The following CRACD variants were observed in gnomAD, a reference collection of about 807,000 sequenced individuals.
CRACD encodes the protein capping protein-inhibiting regulator of actin dynamics.
In CRACD, 56 loss-of-function variants were observed where a neutral mutation model predicts 106.8. That is an observed-to-expected ratio of 0.52 (90% CI 0.42 to 0.66). CRACD has a LOEUF of 0.66. CRACD is among the 30% of genes least tolerant of loss of function. The pLI is 0.00. For synonymous variants in CRACD, 754 were observed against 670.8 expected, an observed-to-expected ratio of 1.12 and a Z score of -1.92; for missense variants, 1,730 against 1,623.2, an observed-to-expected ratio of 1.07 and a Z score of -1.13.
At chr4:56,196,298 A>G (rs1737607437) in intron 2 of CRACD, 1 of 152,834 alleles carries the variant, frequency 6.5e-6, no homozygotes, top group Non-Finnish European at 1.5e-5. Context: ...TGCCAATTTC[A>G]TAAGCTTTGT....
chr4:56,181,387 T>C lies in CRACD; in HGVS notation c.-189+1957T>C, dbSNP rs112746336. Reference sequence around the variant, plus strand: ...GCTGGAGCAGAGTGAGTGGGAGGGTTGATCCACAGGAAATGATGACACTTC... The same window carrying C: ...GCTGGAGCAGAGTGAGTGGGAGGGTCGATCCACAGGAAATGATGACACTTC... On this transcript the variant is annotated intron_variant, in intron 2 of 10. Transcript: ENST00000682029. Among the ~76,000 whole-genome samples the C allele has an allele frequency of 5.4e-3, 815 of 152,262 alleles. 8 individuals are homozygous for C. Among genetic ancestry groups the C allele is most frequent in the African/African-American group, 0.019 (772 of 41,544 alleles).
At chr4:56,256,214 G>A (rs929885827) in intron 2 of CRACD, among the ~76,000 whole-genome samples, 1 of 152,162 alleles carries the variant, frequency 6.6e-6, no homozygotes, top group African/African-American at 2.4e-5. Context: ...ATGGAGGTGG[G>A]TCTTTCCCAT....
intron 3 of CRACD, among the ~76,000 whole-genome samples, chr4:56,292,752 T>C (rs6846530): frequency 0.91 from 137,963 of 152,172 alleles, 63,065 homozygotes; most frequent in Middle Eastern, 0.98. Flanking sequence ...TCTCCATCTC[T>C]TGACCTCGTG....
chr4:56,269,152 G>A (rs1036329946), intron 2 of CRACD, among the ~76,000 whole-genome samples: 1 of 152,180 alleles, frequency 6.6e-6, no homozygotes, highest in South Asian at 2.1e-4. Context: ...GGAGGCTGAA[G>A]TGGGCAGATT....
intron 3 of CRACD, among the ~76,000 whole-genome samples, chr4:56,280,037 G>A (rs550896229): frequency 8.0e-5 from 12 of 149,900 alleles, no homozygotes; most frequent in African/African-American, 2.9e-4. Context: ...GCAAACTATC[G>A]CAAGGACAAA....
intron 2 of CRACD, among the ~76,000 whole-genome samples, chr4:56,257,350 G>A (rs992332090): frequency 3.3e-5 from 5 of 151,846 alleles, no homozygotes; most frequent in Non-Finnish European, 5.9e-5. Flanking sequence ...CTAAAGTGCT[G>A]GGATTACAGG....
chr4:56,290,101 A>G (rs962608458), intron 3 of CRACD, among the ~76,000 whole-genome samples: 1 of 152,216 alleles, frequency 6.6e-6, no homozygotes, highest in African/African-American at 2.4e-5. Context: ...TAGAGATGTG[A>G]AGAGCAGCGC....
At chr4:56,211,439 C>G (rs1041832436) in intron 2 of CRACD, among the ~76,000 whole-genome samples, 10 of 152,252 alleles carry the variant, frequency 6.6e-5, no homozygotes, top group Admixed American at 1.3e-4. Context: ...CATGGCTGTT[C>G]CAGGTGTGCC....
chr4:56,158,603 T>C (rs575241542), intron 1 of CRACD, among the ~76,000 whole-genome samples: 7 of 152,274 alleles, frequency 4.6e-5, no homozygotes, highest in Admixed American at 2.6e-4. Flanking sequence ...CAGCCTGATA[T>C]TTGTTTTAGG....
intron 2 of CRACD, among the ~76,000 whole-genome samples, chr4:56,218,612 T>C (rs1006085461): frequency 6.7e-6 from 1 of 149,608 alleles, no homozygotes; most frequent in Admixed American, 6.7e-5. Context: ...CTTCCCTCTT[T>C]TCTTTCTTTT....
intron 2 of CRACD, among the ~76,000 whole-genome samples, chr4:56,180,531 AATAG>A (rs1221120625): frequency 2.6e-3 from 369 of 141,454 alleles, no homozygotes; most frequent in Admixed American, 5.7e-3. Flanking sequence ...TAAATAAATA[AATAG>A]ATAGATAGCA....
chr4:56,248,709 A>C (rs904758111), intron 2 of CRACD, among the ~76,000 whole-genome samples: 1 of 140,230 alleles, frequency 7.1e-6, no homozygotes, highest in African/African-American at 2.7e-5. Context: ...ATATCTCCCA[A>C]AGCTATCCCT....
At chr4:56,318,493 T>C (rs1234525489) in intron 8 of CRACD, among the ~76,000 whole-genome samples, 1 of 152,242 alleles carries the variant, frequency 6.6e-6, no homozygotes, top group African/African-American at 2.4e-5. Flanking sequence ...TCGTCTGCTA[T>C]GTCACTTGCC....
At chr4:56,298,749 A>G (rs1560524667) in intron 4 of CRACD, among the ~76,000 whole-genome samples, 2 of 152,192 alleles carry the variant, frequency 1.3e-5, no homozygotes, top group African/African-American at 2.4e-5. Context: ...CCTGGGCAAC[A>G]TGGCGAAACA....
intron 2 of CRACD, among the ~76,000 whole-genome samples, chr4:56,227,917 T>C (rs1739396494): frequency 6.6e-6 from 1 of 152,174 alleles, no homozygotes; most frequent in South Asian, 2.1e-4. Context: ...CCCTGCCTCT[T>C]AGGAAGCGCT....
intron 2 of CRACD, among the ~76,000 whole-genome samples, chr4:56,227,836 A>G (rs1739389539): frequency 6.6e-6 from 1 of 152,228 alleles, no homozygotes; most frequent in African/African-American, 2.4e-5. Context: ...TACAGAAGGT[A>G]ACTGTGTTCT....
rs145709296 is a variant in CRACD, at chr4:56,063,405, C to T, written c.-336+14106C>T. On this transcript the variant is annotated intron_variant, in intron 1 of 10. Transcript: ENST00000682029. ...AAATATATATAACAAAAATTACCAT[C>T]GTAAACATTTTTAAGTGGACAGTTC... Among the ~76,000 whole-genome samples the T allele has an allele frequency of 1.2e-3, 179 of 152,206 alleles. 1 individual carries two copies. Among genetic ancestry groups the T allele is most frequent in the African/African-American group, 4.1e-3 (170 of 41,524 alleles).
At position 56,279,887 on chromosome 4, in the gene CRACD, C is replaced by T. The variant is rs1020123257; in HGVS notation, c.-17+7395C>T. On this transcript the variant is annotated intron_variant, in intron 3 of 10. Coordinates refer to ENST00000682029, the MANE Select transcript of CRACD (RefSeq NM_001393381.1). ...TATTCCCAATAGCAAAGACTTGGAA[C>T]CAAGCCAAATGTCCAACAATGATAG... is the stretch of plus-strand genomic sequence containing the variant. Among the ~76,000 whole-genome samples the T allele has an allele frequency of 2.0e-5, 3 of 151,956 alleles. No individual in the cohort carries two copies. In the South Asian group the frequency reaches 6.2e-4, roughly 32 times the overall value.
chr4:56,090,698 G>A (rs1246333159), intron 1 of CRACD, among the ~76,000 whole-genome samples: 3 of 152,262 alleles, frequency 2.0e-5, no homozygotes, highest in East Asian at 3.9e-4. Flanking sequence ...CCCAGTCAGG[G>A]CCAGGGATTT....
Sources: gnomAD v4.1 joint callset for allele counts (sites outside exome capture counted in the v4.1 genomes callset) on GRCh38, gnomAD v4.1.1 for gene constraint, MANE v1.5 for transcripts, NCBI Gene and HGNC (gene_info 2026-07-23, HGNC 2026-07-21) for gene names.